PRELID2: variants seen among roughly 807,000 people sequenced by gnomAD.
PRELID2 encodes the protein PRELI domain-containing protein 2.
In PRELID2, 25 loss-of-function variants were observed where a neutral mutation model predicts 28.4. The observed-to-expected ratio is 0.88, with a 90% CI of 0.64 to 1.23. The LOEUF is 1.23. Ranked by LOEUF, PRELID2 falls within the 50% of genes most tolerant of loss-of-function variation. The pLI, the probability that PRELID2 is intolerant of heterozygous loss-of-function variation, is 0.00. For missense variants in PRELID2, 201 were observed against 214.4 expected, an observed-to-expected ratio of 0.94 and a Z score of 0.39; for synonymous variants, 76 against 71.6, an observed-to-expected ratio of 1.06 and a Z score of -0.31.
chr5:145,265,560 T>C, the PRELID2 span, among the ~76,000 whole-genome samples: 1 of 152,102 alleles, frequency 6.6e-6, no homozygotes, highest in African/African-American at 2.4e-5. Flanking sequence ...ATTACCTGGA[T>C]TCAAACTATA....
intron 1 of PRELID2, among the ~76,000 whole-genome samples, chr5:145,608,454 T>C (rs1753541856): frequency 6.6e-6 from 1 of 152,192 alleles, no homozygotes; most frequent in African/African-American, 2.4e-5. Flanking sequence ...TGAATTCTCT[T>C]AGCATTTGCT....
chr5:145,284,282 TTTTG>T, the PRELID2 span, among the ~76,000 whole-genome samples: 2 of 152,192 alleles, frequency 1.3e-5, no homozygotes, highest in African/African-American at 4.8e-5. Context: ...AGTTTTGCTT[TTTTG>T]TTTGTTTTCT....
chr5:145,651,846 C>G (rs1004990451), intron 1 of PRELID2, among the ~76,000 whole-genome samples: 11 of 152,226 alleles, frequency 7.2e-5, no homozygotes, highest in Admixed American at 1.3e-4. Flanking sequence ...AATCAGACTG[C>G]CTCTCCCCAT....
At chr5:145,470,914 A>T (rs1561489484), downstream of PRELID2, among the ~76,000 whole-genome samples, 1 of 152,038 alleles carries the variant, frequency 6.6e-6, no homozygotes, top group Admixed American at 6.6e-5. Context: ...CTTTGTCTTC[A>T]TTTAAACAGT....
At chr5:145,232,449 T>G in the PRELID2 span, among the ~76,000 whole-genome samples, 3 of 152,268 alleles carry the variant, frequency 2.0e-5, no homozygotes, top group South Asian at 6.2e-4. Context: ...TACCTAGCAC[T>G]GACCTTAGAA....
At chr5:145,502,143 T>C (rs769850865) in intron 1 of PRELID2, among the ~76,000 whole-genome samples, 1 of 151,998 alleles carries the variant, frequency 6.6e-6, no homozygotes, top group Admixed American at 6.6e-5. Context: ...GGAAGCATAA[T>C]GGCATCTGCA....
chr5:145,722,601 C>T (rs535456978), intron 1 of PRELID2, among the ~76,000 whole-genome samples: 2 of 152,076 alleles, frequency 1.3e-5, no homozygotes, highest in South Asian at 4.1e-4. Context: ...TGGGTTCAAG[C>T]GATTCTCCTG....
chr5:145,681,935 A>G (rs1409630899), intron 1 of PRELID2, among the ~76,000 whole-genome samples: 1 of 152,252 alleles, frequency 6.6e-6, no homozygotes, highest in Non-Finnish European at 1.5e-5. Flanking sequence ...CTGATGCTAC[A>G]TTCATCACCA....
At chr5:145,597,592 T>C (rs905471227) in intron 1 of PRELID2, among the ~76,000 whole-genome samples, 1 of 152,306 alleles carries the variant, frequency 6.6e-6, no homozygotes, top group Middle Eastern at 3.4e-3. Context: ...CAAATGAACT[T>C]ATGGCATGCA....
At chr5:145,727,528 C>G (rs1358449270) in intron 1 of PRELID2, among the ~76,000 whole-genome samples, 1 of 152,200 alleles carries the variant, frequency 6.6e-6, no homozygotes, top group Non-Finnish European at 1.5e-5. Context: ...AAAACCACCA[C>G]AGCTATCATT....
At chr5:145,390,598 T>C in the PRELID2 span, among the ~76,000 whole-genome samples, 1 of 152,188 alleles carries the variant, frequency 6.6e-6, no homozygotes, top group Non-Finnish European at 1.5e-5. Flanking sequence ...CAATTCAGGA[T>C]GAGATTTGGG....
chr5:145,415,778 T>A, the PRELID2 span, among the ~76,000 whole-genome samples: 44 of 152,106 alleles, frequency 2.9e-4, no homozygotes, highest in East Asian at 6.6e-3. Flanking sequence ...TGATTTATAG[T>A]CCTTTGGGTA....
At chr5:145,786,632 C>A (rs974245272) in intron 5 of PRELID2, among the ~76,000 whole-genome samples, 4 of 152,202 alleles carry the variant, frequency 2.6e-5, no homozygotes, top group Non-Finnish European at 4.4e-5. Flanking sequence ...GACTCCTAAT[C>A]TACAGAAACA....
At chr5:145,241,599 G>A in the PRELID2 span, among the ~76,000 whole-genome samples, 2 of 151,900 alleles carry the variant, frequency 1.3e-5, no homozygotes, top group South Asian at 4.1e-4. Context: ...ATGGAGAGGC[G>A]TAAAAAGTTC....
chr5:145,462,498 A>G, the PRELID2 span, among the ~76,000 whole-genome samples: 1 of 152,250 alleles, frequency 6.6e-6, no homozygotes, highest in Non-Finnish European at 1.5e-5. Context: ...AATTGCATGA[A>G]TTCAGAAACA....
intron 1 of PRELID2, among the ~76,000 whole-genome samples, chr5:145,691,951 T>C (rs149068088): frequency 1.2e-3 from 180 of 152,256 alleles, no homozygotes; most frequent in African/African-American, 4.1e-3. Flanking sequence ...CTTCTTCTTT[T>C]GTCTGGAATA....
chr5:145,707,108 C>T (rs187962863), intron 1 of PRELID2, among the ~76,000 whole-genome samples: 1 of 152,298 alleles, frequency 6.6e-6, no homozygotes, highest in African/African-American at 2.4e-5. Flanking sequence ...GGCACTGTGC[C>T]ACTGTGATAC....
chr5:145,343,587 C>A, the PRELID2 span, among the ~76,000 whole-genome samples: 19 of 151,460 alleles, frequency 1.3e-4, no homozygotes, highest in Admixed American at 6.6e-5. Context: ...AATTAATAGT[C>A]TAAACAATGT....
At chr5:145,550,232 A>G (rs2126680439) in intron 1 of PRELID2, among the ~76,000 whole-genome samples, 1 of 152,318 alleles carries the variant, frequency 6.6e-6, no homozygotes, top group Non-Finnish European at 1.5e-5. Context: ...TTCAATATAA[A>G]ACTCTGGGAC....
Sources: allele counts gnomAD v4.1 joint callset (sites outside exome capture counted in the v4.1 genomes callset), GRCh38; gene constraint gnomAD v4.1.1; transcripts MANE v1.5; gene names NCBI Gene and HGNC (gene_info 2026-07-23, HGNC 2026-07-21).